Variants in SLIT2 observed in about 807,000 individuals in gnomAD.
SLIT2 encodes the protein slit homolog 2 protein.
Under a neutral mutation model 185.7 loss-of-function variants are expected in SLIT2, and 41 were observed. The ratio of observed to expected loss-of-function variants is 0.22; its 90% confidence interval spans 0.17 to 0.29. The LOEUF (loss-of-function observed/expected upper bound fraction) is 0.29, where lower values mean the gene tolerates loss of function less well. SLIT2 is among the 10% of genes least tolerant of loss of function. The pLI is 1.00. For missense variants in SLIT2, 1,571 were observed against 1,909.0 expected, an observed-to-expected ratio of 0.82 and a Z score of 3.30; for synonymous variants, 693 against 680.2, an observed-to-expected ratio of 1.02 and a Z score of -0.29.
intron 4 of SLIT2, among the ~76,000 whole-genome samples, chr4:20,369,312 C>T (rs899145089): frequency 5.3e-5 from 8 of 151,962 alleles, no homozygotes; most frequent in African/African-American, 1.9e-4. Context: ...AATGCTCATA[C>T]ATGCTGTTGA....
chr4:20,276,541 A>C (rs1352437968), intron 4 of SLIT2, among the ~76,000 whole-genome samples: 1 of 152,144 alleles, frequency 6.6e-6, no homozygotes, highest in Non-Finnish European at 1.5e-5. Context: ...AACATCCCCC[A>C]AATGAAAGTT....
At chr4:20,371,920 A>G (rs2109319322) in intron 4 of SLIT2, among the ~76,000 whole-genome samples, 1 of 152,202 alleles carries the variant, frequency 6.6e-6, no homozygotes, top group Admixed American at 6.5e-5. Flanking sequence ...AGAAATAGGA[A>G]TGTTTTAGGA....
chr4:20,472,796 T>G (rs913540782), intron 5 of SLIT2, among the ~76,000 whole-genome samples: 1 of 150,666 alleles, frequency 6.6e-6, no homozygotes, highest in Non-Finnish European at 1.5e-5. Flanking sequence ...ATGTTAAAAT[T>G]AAATCTCACT....
intron 33 of SLIT2, among the ~76,000 whole-genome samples, chr4:20,600,141 C>CATTTTTTTTA (rs1342625051): frequency 1.3e-5 from 2 of 151,892 alleles, no homozygotes; most frequent in African/African-American, 2.4e-5. Context: ...ATTTGTGGTT[C>CATTTTTTTTA]ATTTTTTTTA....
chr4:20,448,783 G>T, intron 4 of SLIT2, among the ~76,000 whole-genome samples: 1 of 151,854 alleles, frequency 6.6e-6, no homozygotes, highest in African/African-American at 2.4e-5. Flanking sequence ...GATTACAGGC[G>T]CACACCACCA....
At chr4:20,347,528 A>T (rs1386878038) in intron 4 of SLIT2, among the ~76,000 whole-genome samples, 1 of 152,184 alleles carries the variant, frequency 6.6e-6, no homozygotes, top group Non-Finnish European at 1.5e-5. Flanking sequence ...AGTGTATTTC[A>T]CCAAAGATAA....
chr4:20,279,613 T>C (rs1244232679), intron 4 of SLIT2, among the ~76,000 whole-genome samples: 1 of 152,202 alleles, frequency 6.6e-6, no homozygotes, highest in African/African-American at 2.4e-5. Context: ...CTCAATTACC[T>C]GCCAAGCGCC....
In SLIT2 at chr4:20,596,647, A is replaced by G; in HGVS notation, c.3553A>G (p.Thr1185Ala). 1 of 1,612,608 alleles carries G rather than the reference A, an allele frequency of 6.2e-7. No homozygotes were observed. Among genetic ancestry groups the G allele is most frequent in the Non-Finnish European group, 8.5e-7 (1 of 1,179,830 alleles). ...CAAGGTTCGGCCTCAGACGAACATAACACTTCAGGTAAGAGATCTCTCTCT... is the reference window on the plus strand; with the variant it reads ...CAAGGTTCGGCCTCAGACGAACATAGCACTTCAGGTAAGAGATCTCTCTCT... Reference protein sequence around the residue: ...SAKVRPQTNITLQIATDEDSG... With the variant: ...SAKVRPQTNIALQIATDEDSG... Residue 1185 changes from threonine to alanine, a missense_variant, in exon 32 of 37, where the codon ACA becomes GCA. Around this residue, in one of 3 missense-constraint regions of SLIT2, gnomAD observed 146 missense variants for 247.4 expected, o/e 0.59. Coordinates refer to ENST00000504154, the MANE Select transcript of SLIT2 (RefSeq NM_004787.4).
intron 4 of SLIT2, among the ~76,000 whole-genome samples, chr4:20,336,755 C>G (rs938580978): frequency 6.6e-6 from 1 of 152,120 alleles, no homozygotes; most frequent in African/African-American, 2.4e-5. Context: ...AACTGAGCAC[C>G]AGTTTGCACA....
chr4:20,550,878 T>C lies in SLIT2; in HGVS notation c.2541T>C (p.Asp847=). Residue 847 remains aspartate (D), a synonymous_variant, in exon 25 of 37, where the codon GAT becomes GAC. Transcript: ENST00000504154. The stretch of plus-strand genomic sequence containing the variant: ...TTGTGCCTGAAGGTGCTTTCAATGA[T>C]CTTTCTGCATTATCACATCTGTGAG... ...ISVVPEGAFN[D]LSALSHLAIG... is the part of the protein sequence containing the mutation. 6.2e-7 allele frequency: 1 copy of C among 1,604,038 alleles called. No homozygotes were observed. The highest frequency in any genetic ancestry group is 8.5e-7 in the Non-Finnish European group (1 of 1,171,762).
chr4:20,528,802 CT>C lies in SLIT2; in HGVS notation c.1463-144del. 5.4e-6 allele frequency: 3 copies of C among 557,202 alleles called. No individual in the cohort carries two copies. The South Asian group carries it at 9.1e-5, about 17-fold the overall frequency. The allele number at this position is 557,202 out of a possible 1,614,324, so 34.5% of individuals were successfully genotyped here. Reference sequence around the variant, plus strand: ...GAAAATTCCAAGCCTTTCTTTTAACCTTTCTCCTGACATCCATTGACCAAAA... The same window carrying C: ...GAAAATTCCAAGCCTTTCTTTTAACCTTCTCCTGACATCCATTGACCAAAA... On this transcript the variant is annotated intron_variant, in intron 15 of 36. Transcript: ENST00000504154. This position sits in a 1 kb window ranked among gnomAD's most constrained non-coding sequence, Gnocchi z 4.2.
chr4:20,556,465 A>C (rs1160171125), intron 26 of SLIT2, among the ~76,000 whole-genome samples: 1 of 152,056 alleles, frequency 6.6e-6, no homozygotes, highest in African/African-American at 2.4e-5. Context: ...TTCTTGAAAA[A>C]AAATTATAAC....
chr4:20,532,350 G>C (rs942491921), intron 17 of SLIT2, among the ~76,000 whole-genome samples: 1 of 152,016 alleles, frequency 6.6e-6, no homozygotes, highest in African/African-American at 2.4e-5. Flanking sequence ...AATGGGTTCA[G>C]TAATGTTTTG....
chr4:20,330,324 A>G (rs541308724), intron 4 of SLIT2, among the ~76,000 whole-genome samples: 1 of 152,212 alleles, frequency 6.6e-6, no homozygotes, highest in Non-Finnish European at 1.5e-5. Flanking sequence ...AAGATCTCCA[A>G]ACACCACTGA....
chr4:20,464,220 C>T (rs1294188069), intron 4 of SLIT2, among the ~76,000 whole-genome samples: 1 of 152,116 alleles, frequency 6.6e-6, no homozygotes, highest in Non-Finnish European at 1.5e-5. Flanking sequence ...TCTAGTCTTC[C>T]AAATTCAATA....
chr4:20,505,786 T>C (rs1719153807), intron 9 of SLIT2, among the ~76,000 whole-genome samples: 1 of 152,086 alleles, frequency 6.6e-6, no homozygotes. Flanking sequence ...TTTTTTATTT[T>C]CTATAATTTT....
At chr4:20,441,478 C>T (rs992499941) in intron 4 of SLIT2, among the ~76,000 whole-genome samples, 4 of 150,838 alleles carry the variant, frequency 2.7e-5, no homozygotes, top group Non-Finnish European at 4.4e-5. Flanking sequence ...CGTGTTCCCT[C>T]ATCCAATCTC....
chr4:20,572,642 A>C (rs922622198), intron 29 of SLIT2, among the ~76,000 whole-genome samples: 1 of 152,122 alleles, frequency 6.6e-6, no homozygotes. Flanking sequence ...GTGTTAACTT[A>C]GGTGTTTAAT....
chr4:20,503,574 C>G, intron 9 of SLIT2, among the ~76,000 whole-genome samples: 1 of 109,892 alleles, frequency 9.1e-6, no homozygotes, highest in East Asian at 2.6e-4. Context: ...TTTTTTTCCC[C>G]GAGTCTACAC....
Sources: gnomAD v4.1 joint callset for allele counts (sites outside exome capture counted in the v4.1 genomes callset) on GRCh38, gnomAD v4.1.1 for gene constraint, gnomAD v4.1.1 regional missense constraint, Gnocchi (gnomAD v3.1) non-coding constraint, MANE v1.5 for transcripts, NCBI Gene and HGNC (gene_info 2026-07-23, HGNC 2026-07-21) for gene names.